The following EYS variants were observed in gnomAD, a reference collection of about 807,000 sequenced individuals.
EYS encodes the protein EGF-like photoreceptor maintenance factor.
EYS carries 250 observed loss-of-function variants against 282.1 expected under a neutral mutation model. That is an observed-to-expected ratio of 0.89 (90% CI 0.80 to 0.98). The LOEUF (loss-of-function observed/expected upper bound fraction) is 0.98, where lower values mean the gene tolerates loss of function less well. Among genes scored for constraint, EYS ranks in the 50% least tolerant of loss-of-function variants. The pLI is 0.00. For synonymous variants in EYS, 1,355 were observed against 1,282.9 expected (o/e 1.06, Z -1.20); for missense variants, 4,016 against 3,709.0 (o/e 1.08, Z -2.15).
chr6:64,807,636 G>A (rs745712200), intron 22 of EYS, among the ~76,000 whole-genome samples: 7 of 151,876 alleles, frequency 4.6e-5, no homozygotes, highest in South Asian at 2.1e-4. Flanking sequence ...TCTTCATTAC[G>A]TAATATAAAG....
chr6:63,956,830 C>T (rs949135115), intron 35 of EYS, among the ~76,000 whole-genome samples: 3 of 152,132 alleles, frequency 2.0e-5, no homozygotes, highest in South Asian at 2.1e-4. Context: ...AAAATTTTCC[C>T]GCCCCTGGAT....
chr6:65,332,166 C>T, intron 11 of EYS: 5 of 472,112 alleles, frequency 1.1e-5, no homozygotes, highest in South Asian at 3.9e-5. Context: ...GTGGAAGTTC[C>T]CTTTTATTCT....
intron 22 of EYS, among the ~76,000 whole-genome samples, chr6:64,693,653 CCAAAT>C (rs1468084365): frequency 6.6e-6 from 1 of 151,786 alleles, no homozygotes; most frequent in African/African-American, 2.4e-5. Context: ...ATTAATAGAC[CCAAAT>C]GTATTTTTTA....
intron 26 of EYS, among the ~76,000 whole-genome samples, chr6:64,501,182 G>GA (rs997570215): frequency 2.7e-5 from 4 of 150,146 alleles, no homozygotes; most frequent in Non-Finnish European, 4.4e-5. Context: ...TATTTCCTAA[G>GA]AAAAAAAAGG....
chr6:64,887,091 T>C (rs1481087333), intron 18 of EYS, among the ~76,000 whole-genome samples: 3 of 151,806 alleles, frequency 2.0e-5, no homozygotes, highest in Non-Finnish European at 4.4e-5. Flanking sequence ...ACCTGATAAA[T>C]ACTAGTATCA....
At chr6:65,191,781 A>G (rs1765647342) in intron 12 of EYS, among the ~76,000 whole-genome samples, 1 of 151,834 alleles carries the variant, frequency 6.6e-6, no homozygotes, top group Non-Finnish European at 1.5e-5. Flanking sequence ...CTTACCCTTC[A>G]ATACAGCATG....
rs1290320952 is a variant in EYS at position 65,452,488 on chromosome 6, T to C, written c.862+38106A>G. ...TAATTAAATTATAGCTTGCAATGTA[T>C]TACCTCATTCGAGATAATAATATGT... On this transcript the variant is annotated intron_variant, in intron 5 of 42. Coordinates refer to ENST00000503581, the MANE Select transcript of EYS (RefSeq NM_001142800.2). Among the ~76,000 whole-genome samples, 7 of 152,002 alleles carry C rather than the reference T, an allele frequency of 4.6e-5. No individual in the cohort carries two copies. In the East Asian group the frequency reaches 1.3e-3, roughly 29 times the overall value.
intron 19 of EYS, among the ~76,000 whole-genome samples, chr6:64,831,730 T>C (rs565879198): frequency 6.6e-6 from 1 of 152,116 alleles, no homozygotes; most frequent in African/African-American, 2.4e-5. Flanking sequence ...TGCGGCCAGT[T>C]GTTAGAGGAC....
At chr6:65,201,879 G>A (rs750328255) in intron 12 of EYS, among the ~76,000 whole-genome samples, 1 of 152,020 alleles carries the variant, frequency 6.6e-6, no homozygotes, top group Non-Finnish European at 1.5e-5. Context: ...TTGAGAAGCC[G>A]AGGCAGGTAC....
At chr6:64,218,437 G>A (rs951499024) in intron 31 of EYS, among the ~76,000 whole-genome samples, 6 of 152,100 alleles carry the variant, frequency 3.9e-5, no homozygotes, top group Admixed American at 2.6e-4. Context: ...CTCTGTGGGA[G>A]GATAGAATCT....
chr6:65,495,469 A>G lies in EYS; in HGVS notation c.-59T>C, dbSNP rs746427080. The G allele has an allele frequency of 1.9e-5, 30 of 1,568,978 alleles. No homozygotes were observed. The highest frequency in any genetic ancestry group is 2.6e-5 in the Non-Finnish European group (30 of 1,154,250). On this transcript the variant is annotated 5_prime_UTR_variant, in exon 4 of 43. Transcript: ENST00000503581. ...AGAATTGCTGCAAAATGGTGTTTTA[A>G]GTATTACCGGAAATTTCCAAGTAAA...
intron 33 of EYS, among the ~76,000 whole-genome samples, chr6:64,023,228 A>G (rs1003365372): frequency 6.6e-6 from 1 of 152,270 alleles, no homozygotes; most frequent in African/African-American, 2.4e-5. Flanking sequence ...CATTGTATGC[A>G]TATAGCTTAT....
At chr6:64,713,063 C>A (rs990191151) in intron 22 of EYS, among the ~76,000 whole-genome samples, 1 of 152,156 alleles carries the variant, frequency 6.6e-6, no homozygotes, top group Non-Finnish European at 1.5e-5. Context: ...TTTTGAAGTG[C>A]AAAACAGCCA....
At chr6:65,667,759 AG>A (rs1768250483) in intron 1 of EYS, among the ~76,000 whole-genome samples, 1 of 151,858 alleles carries the variant, frequency 6.6e-6, no homozygotes, top group Non-Finnish European at 1.5e-5. Flanking sequence ...TTTCCCACCC[AG>A]AACAATATTT....
chr6:65,037,380 T>C (rs547113084), intron 13 of EYS, among the ~76,000 whole-genome samples: 1 of 151,824 alleles, frequency 6.6e-6, no homozygotes, highest in Non-Finnish European at 1.5e-5. Context: ...GCCTCAGTGA[T>C]GAAATAATCT....
chr6:64,030,839 C>T (rs370091165), intron 33 of EYS, among the ~76,000 whole-genome samples: 103 of 152,352 alleles, frequency 6.8e-4, no homozygotes, highest in South Asian at 4.6e-3. Context: ...CCTGGACCAA[C>T]GCGCTGGCAC....
At chr6:64,608,205 A>G (rs945313596) in intron 24 of EYS, among the ~76,000 whole-genome samples, 1 of 152,142 alleles carries the variant, frequency 6.6e-6, no homozygotes, top group Non-Finnish European at 1.5e-5. Context: ...ATGTATAATA[A>G]TCAACAAAAT....
At chr6:65,025,476 C>A (rs370045680) in intron 13 of EYS, among the ~76,000 whole-genome samples, 1 of 152,202 alleles carries the variant, frequency 6.6e-6, no homozygotes, top group African/African-American at 2.4e-5. Context: ...TGCATTTATG[C>A]ATTTAGAGAA....
At chr6:64,615,695 G>A (rs2149847930) in intron 24 of EYS, among the ~76,000 whole-genome samples, 1 of 152,196 alleles carries the variant, frequency 6.6e-6, no homozygotes, top group South Asian at 2.1e-4. Context: ...ATTAGCAAAA[G>A]TTGAATCTCC....
Sources: allele counts gnomAD v4.1 joint callset (sites outside exome capture counted in the v4.1 genomes callset), GRCh38; gene constraint gnomAD v4.1.1; transcripts MANE v1.5; gene names NCBI Gene and HGNC (gene_info 2026-07-23, HGNC 2026-07-21).